Variants in HTR1F observed in about 807,000 individuals in gnomAD.
HTR1F encodes the protein 5-hydroxytryptamine receptor 1F, also known as 5-hydroxytryptamine (serotonin) receptor 1F, G protein-coupled.
In HTR1F, 17 loss-of-function variants were observed where a neutral mutation model predicts 24.0. The observed-to-expected ratio is 0.71, with a 90% CI of 0.48 to 1.06. The LOEUF is 1.06. HTR1F is among the 50% of genes least tolerant of loss of function. The pLI is 0.00. For synonymous variants in HTR1F, 186 were observed against 156.8 expected, an observed-to-expected ratio of 1.19 and a Z score of -1.39; for missense variants, 391 against 427.8, an observed-to-expected ratio of 0.91 and a Z score of 0.76.
chr3:87,886,222 A>G (rs1160490931), intron 2 of HTR1F, among the ~76,000 whole-genome samples: 1 of 152,222 alleles, frequency 6.6e-6, no homozygotes, highest in East Asian at 1.9e-4. Context: ...TCACATAAAC[A>G]GAACCAAGGA....
intron 2 of HTR1F, among the ~76,000 whole-genome samples, chr3:87,877,596 A>G (rs1334584575): frequency 1.3e-5 from 2 of 152,290 alleles, no homozygotes; most frequent in African/African-American, 2.4e-5. Context: ...TGAAAAGGGC[A>G]CTGTTATTAT....
intron 2 of HTR1F, among the ~76,000 whole-genome samples, chr3:87,886,652 C>G (rs13317258): frequency 0.09 from 13,722 of 152,154 alleles, 1,973 homozygotes; most frequent in African/African-American, 0.31. Flanking sequence ...TCTCAGGATA[C>G]AAAATCAATG....
At position 87,961,551 on chromosome 3, in the gene HTR1F, C is replaced by T. The variant is rs72915684; in HGVS notation, c.-42-29157C>T. Among the ~76,000 whole-genome samples the T allele has an allele frequency of 4.9e-3, 744 of 152,082 alleles. 2 individuals are homozygous for T. Among genetic ancestry groups the T allele is most frequent in the African/African-American group, 0.017 (719 of 41,510 alleles). ...CCTAGATGGGAGGATCACTTGAAGG[C>T]TGGAGCTTGAGACCAGCCTGGGCAA... On this transcript the variant is annotated intron_variant, in intron 2 of 2. Transcript: ENST00000319595.
intron 2 of HTR1F, among the ~76,000 whole-genome samples, chr3:87,827,536 T>A (rs12497212): frequency 1.3e-5 from 2 of 152,216 alleles, no homozygotes; most frequent in East Asian, 3.9e-4. Context: ...GTATGTATGC[T>A]TCTCTCATTT....
chr3:87,837,966 T>C (rs1210117861), intron 2 of HTR1F, among the ~76,000 whole-genome samples: 1 of 152,114 alleles, frequency 6.6e-6, no homozygotes, highest in African/African-American at 2.4e-5. Flanking sequence ...TCAAATGTTT[T>C]CAGAATTTAT....
At chr3:87,885,274 A>G (rs1426727808) in intron 2 of HTR1F, among the ~76,000 whole-genome samples, 2 of 152,206 alleles carry the variant, frequency 1.3e-5, no homozygotes, top group Non-Finnish European at 2.9e-5. Flanking sequence ...GCAGAGATAA[A>G]GATGTTCTTT....
At chr3:87,894,117 G>A (rs1011374988) in intron 2 of HTR1F, among the ~76,000 whole-genome samples, 3 of 151,816 alleles carry the variant, frequency 2.0e-5, no homozygotes, top group Non-Finnish European at 2.9e-5. Context: ...AGATTTTGCT[G>A]CACCTATCAG....
At chr3:87,879,705 C>G (rs1016859049) in intron 2 of HTR1F, among the ~76,000 whole-genome samples, 1 of 152,034 alleles carries the variant, frequency 6.6e-6, no homozygotes, top group Admixed American at 6.6e-5. Flanking sequence ...TGTAAAGTAT[C>G]ACCCATATTT....
rs1356971705 is a variant in HTR1F at position 87,884,836 on chromosome 3, AG to A, written c.-43+62714del. ...ATATGCACCCAATACAGGAGCACTC[AG>A]GTTCATAAAGAAGTCCTTAGAGACC... is the stretch of plus-strand genomic sequence containing the variant. On this transcript the variant is annotated intron_variant, in intron 2 of 2. Transcript: ENST00000319595. 2.0e-4 allele frequency among the ~76,000 whole-genome samples: 31 copies of A among 152,338 alleles called. 2 individuals are homozygous for A. The highest frequency in any genetic ancestry group is 6.5e-4 in the African/African-American group (27 of 41,576).
chr3:87,816,039 T>C (rs891446525), intron 1 of HTR1F, among the ~76,000 whole-genome samples: 2 of 152,190 alleles, frequency 1.3e-5, no homozygotes, highest in African/African-American at 4.8e-5. Context: ...AAGTGAACCT[T>C]GAGCAAATTT....
chr3:87,930,348 C>A (rs1446274566), intron 2 of HTR1F, among the ~76,000 whole-genome samples: 2 of 152,080 alleles, frequency 1.3e-5, no homozygotes, highest in Non-Finnish European at 2.9e-5. Context: ...GAGAGGGCAT[C>A]CTTGTCTTGT....
intron 2 of HTR1F, among the ~76,000 whole-genome samples, chr3:87,987,532 A>G (rs939324257): frequency 6.6e-6 from 1 of 150,980 alleles, no homozygotes; most frequent in African/African-American, 2.4e-5. Context: ...TGAAAAGAAT[A>G]GAAACAATAT....
intron 2 of HTR1F, among the ~76,000 whole-genome samples, chr3:87,876,201 T>G (rs566366567): frequency 6.6e-6 from 1 of 152,118 alleles, no homozygotes; most frequent in Non-Finnish European, 1.5e-5. Flanking sequence ...TGAACATTCC[T>G]CAAAAAATTA....
At chr3:87,826,766 T>C (rs1704471917) in intron 2 of HTR1F, among the ~76,000 whole-genome samples, 1 of 152,202 alleles carries the variant, frequency 6.6e-6, no homozygotes, top group Non-Finnish European at 1.5e-5. Context: ...TAGAATGTGC[T>C]TGAAAGTCCA....
intron 2 of HTR1F, among the ~76,000 whole-genome samples, chr3:87,953,286 A>G (rs796189755): frequency 6.6e-6 from 1 of 151,910 alleles, no homozygotes; most frequent in African/African-American, 2.4e-5. Context: ...ATGGGAGAAA[A>G]TGTTTGCAAA....
chr3:87,905,257 C>A (rs1906913), intron 2 of HTR1F, among the ~76,000 whole-genome samples: 13,510 of 151,774 alleles, frequency 0.089, 1,884 homozygotes, highest in African/African-American at 0.3. Context: ...CTGCAGTGAG[C>A]TATGATCACG....
At chr3:87,874,496 A>G (rs1705626376) in intron 2 of HTR1F, among the ~76,000 whole-genome samples, 1 of 152,190 alleles carries the variant, frequency 6.6e-6, no homozygotes, top group African/African-American at 2.4e-5. Flanking sequence ...AAGGACGACA[A>G]AAACAAATGC....
chr3:87,945,074 GTCTCTCTCTCTCCTCCATCTC>G (rs1553680838), intron 2 of HTR1F, among the ~76,000 whole-genome samples: 1 of 150,328 alleles, frequency 6.7e-6, no homozygotes, highest in Non-Finnish European at 1.5e-5. Context: ...TCTCTTCTCT[GTCTCTCTCTCTCCTCCATCTC>G]TCTCTCTGTC....
intron 2 of HTR1F, among the ~76,000 whole-genome samples, chr3:87,912,633 CAAAAAAAA>C (rs35147140): frequency 1.2e-5 from 1 of 84,492 alleles, no homozygotes; most frequent in Non-Finnish European, 2.3e-5. Context: ...CAATCCTAGG[CAAAAAAAA>C]AAAAAAAAAA....
Sources: gnomAD v4.1 joint callset for allele counts (sites outside exome capture counted in the v4.1 genomes callset) on GRCh38, gnomAD v4.1.1 for gene constraint, MANE v1.5 for transcripts, NCBI Gene and HGNC (gene_info 2026-07-23, HGNC 2026-07-21) for gene names.